The following SLC2A13 variants were observed in gnomAD, a reference collection of about 807,000 sequenced individuals.
The protein encoded by SLC2A13 is proton myo-inositol cotransporter.
Under a neutral mutation model 64.4 loss-of-function variants are expected in SLC2A13, and 32 were observed. That is an observed-to-expected ratio of 0.50 (90% CI 0.37 to 0.67). The LOEUF is 0.67. SLC2A13 is among the 30% of genes least tolerant of loss of function. SLC2A13 has a pLI of 0.00. For synonymous variants in SLC2A13, 338 were observed against 327.1 expected, an observed-to-expected ratio of 1.03 and a Z score of -0.36; for missense variants, 743 against 829.2, an observed-to-expected ratio of 0.90 and a Z score of 1.28.
intron 7 of SLC2A13, among the ~76,000 whole-genome samples, chr12:39,819,215 T>C (rs1942422439): frequency 6.6e-6 from 1 of 152,176 alleles, no homozygotes; most frequent in African/African-American, 2.4e-5. Context: ...CAATAAGGAA[T>C]ATATGACATA....
At chr12:40,061,531 C>T (rs187151434) in intron 1 of SLC2A13, among the ~76,000 whole-genome samples, 2 of 152,238 alleles carry the variant, frequency 1.3e-5, no homozygotes, top group Admixed American at 1.3e-4. Context: ...AGTGTAACAA[C>T]TATGTACACA....
chr12:39,836,555 G>T (rs1176307296), intron 6 of SLC2A13, among the ~76,000 whole-genome samples: 1 of 151,046 alleles, frequency 6.6e-6, no homozygotes, highest in Non-Finnish European at 1.5e-5. Context: ...AATTGTCCCT[G>T]TTTGCAGACG....
intron 7 of SLC2A13, chr12:39,829,776 A>C: frequency 3.6e-6 from 1 of 279,990 alleles, no homozygotes; most frequent in Non-Finnish European, 6.9e-6. Context: ...GGGAGTTTGG[A>C]AATACAGTGC....
intron 3 of SLC2A13, among the ~76,000 whole-genome samples, chr12:40,019,320 G>A (rs1267594486): frequency 6.6e-6 from 1 of 151,818 alleles, no homozygotes; most frequent in African/African-American, 2.4e-5. Context: ...ACATTTGATT[G>A]TTAGGTTCTA....
At chr12:39,981,204 T>G (rs972711188) in intron 3 of SLC2A13, among the ~76,000 whole-genome samples, 5 of 149,282 alleles carry the variant, frequency 3.3e-5, no homozygotes, top group Middle Eastern at 3.4e-3. Context: ...TAGCACTAAA[T>G]GCCCACAAGA....
At chr12:39,972,019 T>A (rs1565569186) in intron 3 of SLC2A13, among the ~76,000 whole-genome samples, 2 of 14,290 alleles carry the variant, frequency 1.4e-4, no homozygotes, top group African/African-American at 2.0e-4. Flanking sequence ...TATATATTTT[T>A]TTTTATATAA....
Position 39,857,109 on chromosome 12 carries a change from T to A in SLC2A13, c.1319+7653A>T, listed in dbSNP as rs549743382. Among the ~76,000 whole-genome samples the A allele has an allele frequency of 5.9e-5, 9 of 152,346 alleles. No individual in the cohort carries two copies. The East Asian group carries it at 1.7e-3, about 29-fold the overall frequency. ...TTCTAGAATAAGAATATAAGTCCCA[T>A]GGATTATCAGAGATACATGTTTTTC... On this transcript the variant is annotated intron_variant, in intron 6 of 9. Coordinates refer to ENST00000280871, the MANE Select transcript of SLC2A13 (RefSeq NM_052885.4).
chr12:39,882,686 A>G (rs188485967), intron 4 of SLC2A13, among the ~76,000 whole-genome samples: 46 of 152,166 alleles, frequency 3.0e-4, no homozygotes, highest in African/African-American at 1.1e-3. Context: ...CCTCATCACC[A>G]CCAAATCTAC....
intron 7 of SLC2A13, among the ~76,000 whole-genome samples, chr12:39,806,054 G>C (rs796319065): frequency 6.6e-6 from 1 of 152,144 alleles, no homozygotes; most frequent in South Asian, 2.1e-4. Flanking sequence ...TACAGTGACA[G>C]CAATTGTAGC....
intron 4 of SLC2A13, among the ~76,000 whole-genome samples, chr12:39,893,399 A>T (rs1311199074): frequency 1.3e-5 from 2 of 152,202 alleles, no homozygotes; most frequent in Non-Finnish European, 1.5e-5. Flanking sequence ...TCCCAGGTTC[A>T]AGCAATTCTC....
intron 3 of SLC2A13, among the ~76,000 whole-genome samples, chr12:39,976,087 C>T (rs1190787020): frequency 1.3e-5 from 2 of 152,202 alleles, no homozygotes; most frequent in African/African-American, 4.8e-5. Context: ...ATCTTTTTGT[C>T]TTCTAATGGG....
At chr12:39,803,482 T>TA (rs1941871691) in intron 7 of SLC2A13, among the ~76,000 whole-genome samples, 1 of 151,868 alleles carries the variant, frequency 6.6e-6, no homozygotes, top group Non-Finnish European at 1.5e-5. Context: ...TGTAAAAAAT[T>TA]AAAAAATAGC....
At chr12:39,984,694 AG>A (rs1946996116) in intron 3 of SLC2A13, among the ~76,000 whole-genome samples, 1 of 152,210 alleles carries the variant, frequency 6.6e-6, no homozygotes, top group Non-Finnish European at 1.5e-5. Context: ...GTTACTTAAA[AG>A]GTAGTCAACA....
chr12:40,005,267 A>G (rs1455752290), intron 3 of SLC2A13, among the ~76,000 whole-genome samples: 1 of 152,216 alleles, frequency 6.6e-6, no homozygotes, highest in Non-Finnish European at 1.5e-5. Context: ...TACTTCACAG[A>G]ATAGAGGAAG....
chr12:40,105,842 G>T lies in SLC2A13; in HGVS notation c.-34C>A. Reference sequence around the variant, plus strand: ...GGCCCGGGGCTGCCCGGGGGGACGCGGCTCCGCGGGCCGGCAGTCTCGGCG... The same window carrying T: ...GGCCCGGGGCTGCCCGGGGGGACGCTGCTCCGCGGGCCGGCAGTCTCGGCG... On this transcript the variant is annotated 5_prime_UTR_variant, in exon 1 of 10. Transcript: ENST00000280871. This position sits in a 1 kb window ranked among gnomAD's most constrained non-coding sequence, Gnocchi z 4.2. 7.4e-7 allele frequency: 1 copy of T among 1,360,460 alleles called. No homozygotes were observed. The highest frequency in any genetic ancestry group is 9.4e-7 in the Non-Finnish European group (1 of 1,058,872). The allele number at this position is 1,360,460 out of a possible 1,614,324, so 84.3% of individuals were successfully genotyped here.
At chr12:39,761,030 AAAC>A (rs1940123970) in intron 9 of SLC2A13, among the ~76,000 whole-genome samples, 1 of 141,560 alleles carries the variant, frequency 7.1e-6, no homozygotes, top group Admixed American at 7.4e-5. Context: ...TGATGGTGGA[AAAC>A]AACAAAGTAA....
intron 4 of SLC2A13, among the ~76,000 whole-genome samples, chr12:39,895,340 A>C (rs1393309110): frequency 6.6e-6 from 1 of 151,432 alleles, no homozygotes; most frequent in Non-Finnish European, 1.5e-5. Flanking sequence ...AATACAAAAA[A>C]TTAGCCGGGC....
At chr12:39,997,475 A>C (rs1350277703) in intron 3 of SLC2A13, among the ~76,000 whole-genome samples, 2 of 152,234 alleles carry the variant, frequency 1.3e-5, no homozygotes, top group Admixed American at 6.5e-5. Context: ...GCTCAACATT[A>C]CTAATGATGA....
intron 1 of SLC2A13, among the ~76,000 whole-genome samples, chr12:40,082,124 C>T (rs1221342763): frequency 6.6e-6 from 1 of 152,172 alleles, no homozygotes; most frequent in African/African-American, 2.4e-5. Context: ...AGGGCTTCGG[C>T]AAGGCAGCAG....
Sources: gnomAD v4.1 joint callset for allele counts (sites outside exome capture counted in the v4.1 genomes callset) on GRCh38, gnomAD v4.1.1 for gene constraint, Gnocchi (gnomAD v3.1) non-coding constraint, MANE v1.5 for transcripts, NCBI Gene and HGNC (gene_info 2026-07-23, HGNC 2026-07-21) for gene names.